Variants in EYS observed in about 807,000 individuals in gnomAD.
The protein encoded by EYS is EGF-like photoreceptor maintenance factor.
EYS carries 250 observed loss-of-function variants against 282.1 expected under a neutral mutation model. The ratio of observed to expected loss-of-function variants is 0.89; its 90% CI spans 0.80 to 0.98. The LOEUF is 0.98. Among genes scored for constraint, EYS ranks in the 50% least tolerant of loss-of-function variants. EYS has a pLI of 0.00. For synonymous variants in EYS, 1,355 were observed against 1,282.9 expected (o/e 1.06, Z -1.20); for missense variants, 4,016 against 3,709.0 (o/e 1.08, Z -2.15).
intron 31 of EYS, among the ~76,000 whole-genome samples, chr6:64,181,865 G>T (rs975049889): frequency 3.3e-5 from 5 of 152,046 alleles, no homozygotes; most frequent in Non-Finnish European, 5.9e-5. Context: ...ATTCATTTTT[G>T]TTCGAAATAT....
rs142128002 is a variant in EYS, at chr6:65,005,110, C to T, written c.2138-7407G>A. On this transcript the variant is annotated intron_variant, in intron 13 of 42. Coordinates refer to ENST00000503581, the MANE Select transcript of EYS (RefSeq NM_001142800.2). The stretch of plus-strand genomic sequence containing the variant: ...TGGCTTGAGCTGAGCTTTCGCTTGC[C>T]GTCCACCACTGCTGTTTGCCACTGT... Among the ~76,000 whole-genome samples the T allele has an allele frequency of 3.1e-4, 46 of 147,820 alleles. 1 individual carries two copies. The highest frequency in any genetic ancestry group is 1.1e-3 in the African/African-American group (46 of 41,262).
intron 22 of EYS, among the ~76,000 whole-genome samples, chr6:64,688,391 T>G: frequency 6.6e-6 from 1 of 152,196 alleles, no homozygotes; most frequent in Non-Finnish European, 1.5e-5. Context: ...ACACACTGCT[T>G]TGAATGTGTC....
intron 28 of EYS, among the ~76,000 whole-genome samples, chr6:64,398,001 A>T (rs888595658): frequency 1.4e-5 from 2 of 144,304 alleles, no homozygotes; most frequent in Admixed American, 7.0e-5. Context: ...TCAAATTCAC[A>T]AATACACAGG....
chr6:64,614,705 A>G lies in EYS; in HGVS notation c.3684+2713T>C, dbSNP rs1180174535. The stretch of plus-strand genomic sequence containing the variant: ...TACCTTAAATTTGTCCAGTACACTT[A>G]CATTAGCCAACAGCTTGGGCAAAAT... On this transcript the variant is annotated intron_variant, in intron 24 of 42. Coordinates refer to ENST00000503581, the MANE Select transcript of EYS (RefSeq NM_001142800.2). Among the ~76,000 whole-genome samples the G allele has an allele frequency of 4.6e-5, 7 of 152,122 alleles. No individual in the cohort carries two copies. In the East Asian group the frequency reaches 1.2e-3, roughly 25 times the overall value.
chr6:64,715,678 C>T (rs2149938407), intron 22 of EYS, among the ~76,000 whole-genome samples: 1 of 152,300 alleles, frequency 6.6e-6, no homozygotes, highest in South Asian at 2.1e-4. Flanking sequence ...AAGACCCTGG[C>T]TCAGTCTCTT....
chr6:65,375,331 T>C (rs771523250), intron 8 of EYS, among the ~76,000 whole-genome samples: 2 of 151,730 alleles, frequency 1.3e-5, no homozygotes, highest in Non-Finnish European at 2.9e-5. Flanking sequence ...CAGCAAGCAA[T>C]AACATCAAAG....
chr6:65,564,989 T>C (rs1769220302), intron 2 of EYS, among the ~76,000 whole-genome samples: 1 of 27,256 alleles, frequency 3.7e-5, no homozygotes, highest in Non-Finnish European at 5.6e-5. Flanking sequence ...CTCACGCCTG[T>C]AATCCCAGCA....
intron 26 of EYS, among the ~76,000 whole-genome samples, chr6:64,574,924 G>C (rs1001668236): frequency 6.6e-6 from 1 of 152,086 alleles, no homozygotes; most frequent in Non-Finnish European, 1.5e-5. Context: ...CTGTCAAAAT[G>C]ATAAAATACA....
At chr6:64,624,210 TA>T (rs1767531737) in intron 23 of EYS, among the ~76,000 whole-genome samples, 1 of 152,080 alleles carries the variant, frequency 6.6e-6, no homozygotes, top group South Asian at 2.1e-4. Context: ...TTCAACAGCT[TA>T]AAAATGTCCT....
intron 30 of EYS, among the ~76,000 whole-genome samples, chr6:64,267,131 A>C (rs1431761477): frequency 6.6e-6 from 1 of 152,178 alleles, no homozygotes. Flanking sequence ...AAAGATATTT[A>C]GTCAAGCAAA....
At chr6:63,773,734 G>C (rs1769991849) in intron 40 of EYS, among the ~76,000 whole-genome samples, 1 of 152,156 alleles carries the variant, frequency 6.6e-6, no homozygotes, top group African/African-American at 2.4e-5. Context: ...CAGATGAGGA[G>C]TAATAGAAGA....
chr6:64,004,105 T>C (rs1364779980), intron 33 of EYS, among the ~76,000 whole-genome samples: 1 of 152,200 alleles, frequency 6.6e-6, no homozygotes, highest in Non-Finnish European at 1.5e-5. Flanking sequence ...GGAAGCCTGT[T>C]AAGCAGTCCT....
intron 33 of EYS, 95 bp downstream of exon 33, chr6:64,066,243 G>GCT: frequency 9.2e-7 from 1 of 1,091,220 alleles, no homozygotes; most frequent in Non-Finnish European, 1.3e-6. Context: ...ACACCACTGC[G>GCT]CTCCAGACTG....
intron 35 of EYS, among the ~76,000 whole-genome samples, chr6:63,948,701 G>T (rs1219198169): frequency 6.6e-6 from 1 of 151,836 alleles, no homozygotes; most frequent in Non-Finnish European, 1.5e-5. Context: ...TTTCAGTCAA[G>T]AGTATTCTAT....
rs1005302399 is a variant in EYS, at chr6:64,154,043, A to C, written c.6425-72041T>G. ...ACTTGAAAATTCCAAAATAATACTTACTGTTTTTAGATATTTATTTGTTGA... is the reference window on the plus strand; with the variant it reads ...ACTTGAAAATTCCAAAATAATACTTCCTGTTTTTAGATATTTATTTGTTGA... On this transcript the variant is annotated intron_variant, in intron 31 of 42. Coordinates refer to ENST00000503581, the MANE Select transcript of EYS (RefSeq NM_001142800.2). Among the ~76,000 whole-genome samples the C allele has an allele frequency of 5.3e-5, 8 of 152,326 alleles. No individual in the cohort carries two copies. In the East Asian group the frequency reaches 1.4e-3, roughly 26 times the overall value.
At chr6:64,170,016 T>G (rs1764432952) in intron 31 of EYS, among the ~76,000 whole-genome samples, 1 of 152,126 alleles carries the variant, frequency 6.6e-6, no homozygotes, top group African/African-American at 2.4e-5. Flanking sequence ...ACCTTATATT[T>G]GGGTTGTCTT....
chr6:65,028,102 A>G (rs1772477092), intron 13 of EYS, among the ~76,000 whole-genome samples: 1 of 152,028 alleles, frequency 6.6e-6, no homozygotes, highest in South Asian at 2.1e-4. Context: ...TTTCATTTTT[A>G]TCTTACTAAG....
chr6:64,200,651 C>T (rs1582418865), intron 31 of EYS, among the ~76,000 whole-genome samples: 3 of 151,996 alleles, frequency 2.0e-5, no homozygotes, highest in African/African-American at 7.2e-5. Flanking sequence ...TGATGTGGAA[C>T]AGGAGAGAAG....
chr6:64,692,094 T>G (rs774262576), intron 22 of EYS, among the ~76,000 whole-genome samples: 3 of 152,220 alleles, frequency 2.0e-5, no homozygotes, highest in Non-Finnish European at 4.4e-5. Flanking sequence ...CTACAGTGAC[T>G]GGACTAATTT....
Sources: gnomAD v4.1 joint callset for allele counts (sites outside exome capture counted in the v4.1 genomes callset) on GRCh38, gnomAD v4.1.1 for gene constraint, MANE v1.5 for transcripts, NCBI Gene and HGNC (gene_info 2026-07-23, HGNC 2026-07-21) for gene names.